The following FBXO47 variants were observed in gnomAD, a reference collection of about 807,000 sequenced individuals.
FBXO47 encodes F-box protein 47.
FBXO47 carries 34 observed loss-of-function variants against 53.9 expected under a neutral mutation model. The observed-to-expected ratio is 0.63, with a 90% confidence interval of 0.48 to 0.84. FBXO47 has a LOEUF of 0.84. Ranked by LOEUF, FBXO47 falls within the 40% of genes least tolerant of loss-of-function variation. FBXO47 has a pLI of 0.00. For synonymous variants in FBXO47, 165 were observed against 181.6 expected, an observed-to-expected ratio of 0.91 and a Z score of 0.73; for missense variants, 485 against 541.3, an observed-to-expected ratio of 0.90 and a Z score of 1.03.
chr17:38,957,073 A>C, intron 4 of FBXO47, 104 bp downstream of exon 4: 1 of 682,394 alleles, frequency 1.5e-6, no homozygotes. Context: ...TTTAGTGCTA[A>C]TTCATGAAAT....
At position 38,939,473 on chromosome 17, in the gene FBXO47, C is replaced by G. The variant is rs184210932; in HGVS notation, c.1084-741G>C. On this transcript the variant is annotated intron_variant, in intron 9 of 10. Transcript: ENST00000378079. ...AACCATAAAGACATGGCTCTATTTT[C>G]AAGAAGTCCAATGAAGGTGATAGAC... 3.1e-3 allele frequency among the ~76,000 whole-genome samples: 454 copies of G among 148,612 alleles called. 8 individuals carry two copies. The highest frequency in any genetic ancestry group is 0.011 in the African/African-American group (439 of 40,380).
At chr17:38,942,395 C>T (rs1598136490) in intron 9 of FBXO47, among the ~76,000 whole-genome samples, 1 of 152,052 alleles carries the variant, frequency 6.6e-6, no homozygotes, top group East Asian at 1.9e-4. Context: ...GAGTTCGAGA[C>T]CAGCCTGGCC....
In FBXO47 at chr17:38,954,852, G is replaced by T; in HGVS notation, c.507+4C>A. On this transcript the variant is annotated splice_donor_region_variant and intron_variant, in intron 5 of 10. Transcript: ENST00000378079. ...CTTTTCTTCTCTGATTAAAAAAAAT[G>T]TACCTGTAAAAACATGCCATAACAT... 3 of 1,583,592 alleles carry T rather than the reference G, an allele frequency of 1.9e-6. No homozygotes were observed. The highest frequency in any genetic ancestry group is 2.6e-6 in the Non-Finnish European group (3 of 1,159,728).
chr17:38,946,010 TAAATATAA>T lies in FBXO47; in HGVS notation c.617-882_617-875del, dbSNP rs1467322121. On this transcript the variant is annotated intron_variant, in intron 6 of 10. Transcript: ENST00000378079. ...AAATATATAAATATATATAAATACATAAATATAAAAATATAAAAATATATATAAATATA... is the reference window on the plus strand; with the variant it reads ...AAATATATAAATATATATAAATACATAAATATAAAAATATATATAAATATA... Among the ~76,000 whole-genome samples the T allele has an allele frequency of 2.1e-3, 275 of 129,418 alleles. 2 individuals are homozygous for T. Among genetic ancestry groups the T allele is most frequent in the Middle Eastern group, 0.02 (5 of 256 alleles). 84.9% of individuals were successfully genotyped at this position (129,418 alleles called of 152,430 possible).
chr17:38,947,605 G>A (rs1224448738), intron 6 of FBXO47, among the ~76,000 whole-genome samples: 4 of 152,188 alleles, frequency 2.6e-5, no homozygotes, highest in Non-Finnish European at 2.9e-5. Context: ...TACCACACTC[G>A]GATATAAAAA....
At chr17:38,962,171 G>A in intron 2 of FBXO47, 124 bp from the exon 3 acceptor site, 1 of 729,618 alleles carries the variant, frequency 1.4e-6, no homozygotes, top group East Asian at 2.8e-5. Context: ...TCATCCCTTT[G>A]GGAAAAAAGG....
In FBXO47 at chr17:38,948,637, CT is replaced by C. The variant is rs374110006; in HGVS notation, c.616+2943del. Reference sequence around the variant, plus strand: ...TTGTAGCATATATCAGCACTTCATTCTTTTTTTTTCCTTCAACTTTTAAGTT... The same window carrying C: ...TTGTAGCATATATCAGCACTTCATTCTTTTTTTTCCTTCAACTTTTAAGTT... On this transcript the variant is annotated intron_variant, in intron 6 of 10. Coordinates refer to ENST00000378079, the MANE Select transcript of FBXO47 (RefSeq NM_001008777.3). Among the ~76,000 whole-genome samples, 7 of 151,534 alleles carry C rather than the reference CT, an allele frequency of 4.6e-5. No individual in the cohort carries two copies. In the East Asian group the frequency reaches 9.7e-4, roughly 21 times the overall value.
chr17:38,937,344 A>G, intron 10 of FBXO47, 54 bp from the exon 11 acceptor site: 1 of 629,542 alleles, frequency 1.6e-6, no homozygotes, highest in Non-Finnish European at 2.6e-6. Context: ...TGTTAAGTAT[A>G]TAATTTATTT....
chr17:38,951,268 C>T (rs1905267386), intron 6 of FBXO47, among the ~76,000 whole-genome samples: 1 of 152,042 alleles, frequency 6.6e-6, no homozygotes, highest in Non-Finnish European at 1.5e-5. Flanking sequence ...GATCACAGCT[C>T]TCTGCAGCCT....
intron 3 of FBXO47, among the ~76,000 whole-genome samples, chr17:38,960,438 A>G (rs1393150671): frequency 2.6e-5 from 4 of 152,104 alleles, no homozygotes; most frequent in African/African-American, 9.7e-5. Flanking sequence ...AAAAGCAATT[A>G]AGATCAATAC....
In FBXO47 at chr17:38,942,641, A is replaced by C. The variant is rs955469215; in HGVS notation, c.1083+137T>G. On this transcript the variant is annotated intron_variant, in intron 9 of 10. Transcript: ENST00000378079. ...AACATATGTTTTAATATTTTGAAAA[A>C]GAAACATTAAAAATATATACTTCAA... The C allele has an allele frequency of 2.4e-5, 14 of 573,176 alleles. No homozygotes were observed. In the African/African-American group the frequency reaches 2.7e-4, roughly 11 times the overall value. The allele number at this position is 573,176 out of a possible 1,614,324, so 35.5% of individuals were successfully genotyped here.
intron 3 of FBXO47, 142 bp from the exon 4 acceptor site, chr17:38,957,395 G>A: frequency 1.7e-6 from 1 of 592,052 alleles, no homozygotes; most frequent in East Asian, 2.6e-5. Context: ...GAGAAAGTTT[G>A]GGAGGAAGGG....
intron 9 of FBXO47, among the ~76,000 whole-genome samples, chr17:38,941,618 TATTATA>T (rs1567714153): frequency 5.1e-4 from 31 of 60,206 alleles, no homozygotes; most frequent in Admixed American, 3.6e-3. Flanking sequence ...ATAAATATAA[TATTATA>T]TATATATATA....
chr17:38,943,613 A>T lies in FBXO47; in HGVS notation c.917T>A (p.Ile306Asn). ...ACCTGATAGTTCATCTACAAGACTG[A>T]TAACATCATCTGCTGTCCACTCTTT... The part of the protein sequence containing the change: ...STKEWTADDV[I>N]SLVDELSVVP... The change falls in exon 8 of 11, where the codon ATC (isoleucine) becomes AAC (asparagine). Residue 306 changes from isoleucine to asparagine, a missense_variant. Physicochemically the swap from Ile to Asn is moderately radical, Grantham distance 149 (BLOSUM62 -3). Coordinates refer to ENST00000378079, the MANE Select transcript of FBXO47 (RefSeq NM_001008777.3). The T allele has an allele frequency of 6.3e-7, 1 of 1,594,270 alleles. No individual in the cohort carries two copies. The highest frequency in any genetic ancestry group is 8.5e-7 in the Non-Finnish European group (1 of 1,172,378).
chr17:38,943,829 C>T, intron 7 of FBXO47, 93 bp from the exon 8 acceptor site: 1 of 1,075,064 alleles, frequency 9.3e-7, no homozygotes, highest in East Asian at 2.6e-5. Context: ...AATGGAATCC[C>T]ATTACTTATA....
At chr17:38,954,354 G>C (rs1411252643) in intron 5 of FBXO47, among the ~76,000 whole-genome samples, 1 of 151,952 alleles carries the variant, frequency 6.6e-6, no homozygotes, top group Non-Finnish European at 1.5e-5. Context: ...CATGTAAACT[G>C]CTTAGAACAG....
At chr17:38,947,195 G>C (rs1419154708) in intron 6 of FBXO47, among the ~76,000 whole-genome samples, 1 of 150,126 alleles carries the variant, frequency 6.7e-6, no homozygotes, top group African/African-American at 2.4e-5. Context: ...AGCTACTCAG[G>C]AGGCTGAGAC....
chr17:38,937,182 G>A lies in FBXO47; in HGVS notation c.1352C>T (p.Ser451Phe). 6.8e-7 allele frequency: 1 copy of A among 1,477,370 alleles called. No individual in the cohort carries two copies. The highest frequency in any genetic ancestry group is 1.4e-5 in the African/African-American group (1 of 71,714). 91.5% of individuals were successfully genotyped at this position (1,477,370 alleles called of 1,614,324 possible). ...GCAAGGCTTTCTGAGGATTTAGGTA[G>A]ACAGAGGAGTATTCATGGTCAAATA... is the stretch of plus-strand genomic sequence containing the variant. ...VLYLTMNTPLST is the reference protein window; with the variant it reads ...VLYLTMNTPLFT The change falls in exon 11 of 11, where the codon TCT becomes TTT. Residue 451 changes from serine to phenylalanine, a missense_variant. Physicochemically the swap from Ser to Phe is radical, Grantham distance 155. Transcript: ENST00000378079.
At chr17:38,949,848 C>T (rs1441030690) in intron 6 of FBXO47, among the ~76,000 whole-genome samples, 1 of 152,158 alleles carries the variant, frequency 6.6e-6, no homozygotes, top group South Asian at 2.1e-4. Flanking sequence ...TGATCCACTT[C>T]AGCCTCCTGA....
Sources: allele counts gnomAD v4.1 joint callset (sites outside exome capture counted in the v4.1 genomes callset), GRCh38; gene constraint gnomAD v4.1.1; transcripts MANE v1.5; gene names NCBI Gene and HGNC (gene_info 2026-07-23, HGNC 2026-07-21).